ARFGEF3: variants seen among roughly 807,000 people sequenced by gnomAD.
ARFGEF3 encodes the protein ARFGEF family member 3.
ARFGEF3 carries 96 observed loss-of-function variants against 221.7 expected under a neutral mutation model. That is an observed-to-expected ratio of 0.43 (90% CI 0.37 to 0.51). ARFGEF3 has a LOEUF of 0.51. Ranked by LOEUF, ARFGEF3 falls within the 20% of genes least tolerant of loss-of-function variation. ARFGEF3 has a pLI of 0.00. For synonymous variants in ARFGEF3, 1,145 were observed against 1,126.8 expected (o/e 1.02, Z -0.32); for missense variants, 2,410 against 2,789.9 (o/e 0.86, Z 3.07).
chr6:138,169,448 T>C (rs539883247), intron 1 of ARFGEF3, among the ~76,000 whole-genome samples: 1 of 152,308 alleles, frequency 6.6e-6, no homozygotes, highest in Admixed American at 6.5e-5. Flanking sequence ...CCAGCCTTGG[T>C]TGACTATATA....
intron 2 of ARFGEF3, 74 bp from the exon 3 acceptor site, chr6:138,206,968 G>A: frequency 8.7e-7 from 1 of 1,148,338 alleles, no homozygotes; most frequent in Non-Finnish European, 1.3e-6. Context: ...GGGGGTGGGT[G>A]TACATAAGGC....
At position 138,324,123 on chromosome 6, in the gene ARFGEF3, A is replaced by C. The variant is rs1436228607; in HGVS notation, c.4970A>C (p.Glu1657Ala). The C allele has an allele frequency of 6.2e-7, 1 of 1,613,778 alleles. No homozygotes were observed. The highest frequency in any genetic ancestry group is 8.5e-7 in the Non-Finnish European group (1 of 1,179,866). ...TCCTCCTCCCCAAGTGCCGAGGCCG[A>C]GTACTGGCGCATCCGAGCCATGGCC... ...APSSSPSAEAEYWRIRAMAQQ... is the reference protein window; with the variant it reads ...APSSSPSAEAAYWRIRAMAQQ... The change falls in exon 31 of 34, where the codon GAG becomes GCG. Residue 1657 changes from glutamate to alanine, a missense_variant. By Grantham distance (107) the Glu-to-Ala change is moderately radical (BLOSUM62 -1). Coordinates refer to ENST00000251691, the MANE Select transcript of ARFGEF3 (RefSeq NM_020340.5).
rs867769965 is a variant in ARFGEF3, at chr6:138,178,788, G to A, written c.137+8075G>A. On this transcript the variant is annotated intron_variant, in intron 2 of 33. Transcript: ENST00000251691. ...ATTTGAAAGAATCTGTGCCAAAATG[G>A]AATCTCAGCTTTGGCAATAGGACTT... Among the ~76,000 whole-genome samples the A allele has an allele frequency of 1.3e-4, 20 of 152,156 alleles. 1 individual carries two copies. The highest frequency in any genetic ancestry group is 8.3e-4 in the South Asian group (4 of 4,828).
chr6:138,254,795 T>A (rs1241217453), intron 9 of ARFGEF3, among the ~76,000 whole-genome samples: 1 of 152,206 alleles, frequency 6.6e-6, no homozygotes, highest in Non-Finnish European at 1.5e-5. Flanking sequence ...AAACTGATGA[T>A]GATTATGGCA....
intron 12 of ARFGEF3, among the ~76,000 whole-genome samples, chr6:138,265,173 G>A (rs901369741): frequency 2.6e-5 from 4 of 152,112 alleles, no homozygotes; most frequent in Admixed American, 2.0e-4. Flanking sequence ...AAAGTGCTGG[G>A]ATTACAGGCA....
intron 2 of ARFGEF3, among the ~76,000 whole-genome samples, chr6:138,206,518 A>G (rs943049286): frequency 2.6e-4 from 39 of 152,184 alleles, no homozygotes; most frequent in African/African-American, 8.5e-4. Flanking sequence ...CAAATGTTAA[A>G]TTTATAAATT....
intron 3 of ARFGEF3, among the ~76,000 whole-genome samples, chr6:138,208,363 T>C (rs902331200): frequency 1.3e-5 from 2 of 151,498 alleles, no homozygotes; most frequent in African/African-American, 4.9e-5. Context: ...CTTTCCTGAG[T>C]ATACCACATG....
chr6:138,194,265 C>T lies in ARFGEF3; in HGVS notation c.138-12777C>T, dbSNP rs1355514016. On this transcript the variant is annotated intron_variant, in intron 2 of 33. Coordinates refer to ENST00000251691, the MANE Select transcript of ARFGEF3 (RefSeq NM_020340.5). ...CCTGGGTGACAGAGCAAGACTCCGT[C>T]TCCAAAAAAAAAAAAAAAAAAGATA... Among the ~76,000 whole-genome samples, 10 of 139,612 alleles carry T rather than the reference C, an allele frequency of 7.2e-5. No individual in the cohort carries two copies. In the Admixed American group the frequency reaches 7.3e-4, roughly 10 times the overall value. 91.6% of individuals were successfully genotyped at this position (139,612 alleles called of 152,430 possible). A position where few individuals can be genotyped will look rare whatever the true frequency, so the allele number is the denominator to read the frequency against.
rs138879312 is a variant in ARFGEF3, at chr6:138,262,719, C to T, written c.1236C>T (p.Thr412=). ...TGTTTAGCATCATGGATGGCATGAC[C>T]GAAGCATGCATCAAGGGTGGCATCG... ...DLLKLIMDGM[T]EACIKGGIEA... Residue 412 remains threonine, a synonymous_variant, in exon 12 of 34, where the codon ACC becomes ACT. Coordinates refer to ENST00000251691, the MANE Select transcript of ARFGEF3 (RefSeq NM_020340.5). The T allele has an allele frequency of 1.1e-3, 1,829 of 1,604,296 alleles. 5 individuals carry two copies. The highest frequency in any genetic ancestry group is 1.0e-3 in the Non-Finnish European group (1,190 of 1,172,086).
chr6:138,325,523 GA>G (rs1277786064), intron 31 of ARFGEF3, among the ~76,000 whole-genome samples: 4 of 152,238 alleles, frequency 2.6e-5, no homozygotes, highest in Non-Finnish European at 5.9e-5. Flanking sequence ...TGGGACAGAA[GA>G]AAGGTTGTAA....
rs192550518 is a variant in ARFGEF3 at position 138,337,511 on chromosome 6, T to C, written c.*1025T>C. On this transcript the variant is annotated 3_prime_UTR_variant, in exon 34 of 34. Coordinates refer to ENST00000251691, the MANE Select transcript of ARFGEF3 (RefSeq NM_020340.5). ...GGGAGCAGGGAGTGTGGGGTGGGGA[T>C]GGATTATGATGAAATCATTTTCAAT... is the stretch of plus-strand genomic sequence containing the variant. 20 of 152,748 alleles carry C rather than the reference T, an allele frequency of 1.3e-4. No individual in the cohort carries two copies. The East Asian group carries it at 2.9e-3, about 22-fold the overall frequency. The allele number at this position is 152,748 out of a possible 1,614,324, so 9.5% of individuals were successfully genotyped here. A position where few individuals can be genotyped will look rare whatever the true frequency, so the allele number is the denominator to read the frequency against.
chr6:138,201,126 C>T (rs4895512), intron 2 of ARFGEF3, among the ~76,000 whole-genome samples: 11,207 of 152,266 alleles, frequency 0.074, 803 homozygotes, highest in East Asian at 0.37. Context: ...GCAATACCAC[C>T]TTACTCCTGC....
At chr6:138,253,571 G>A (rs1238672746) in intron 8 of ARFGEF3, among the ~76,000 whole-genome samples, 3 of 152,158 alleles carry the variant, frequency 2.0e-5, no homozygotes, top group Admixed American at 6.5e-5. Context: ...ATGTCTCTGT[G>A]TCCAAATTTC....
rs1203711622 is a variant in ARFGEF3 at position 138,339,940 on chromosome 6, A to T, written c.*3454A>T. 1 of 152,244 alleles carries T rather than the reference A, an allele frequency of 6.6e-6. No individual in the cohort carries two copies. The highest frequency in any genetic ancestry group is 6.5e-5 in the Admixed American group (1 of 15,282). The allele number at this position is 152,244 out of a possible 1,614,324, so 9.4% of individuals were successfully genotyped here. ...AACATACTTAACAGCTCGCATTAAA[A>T]TACTTTAAATCAGGCGTGATGGCTC... On this transcript the variant is annotated 3_prime_UTR_variant, in exon 34 of 34. Coordinates refer to ENST00000251691, the MANE Select transcript of ARFGEF3 (RefSeq NM_020340.5).
chr6:138,286,518 TGCAAC>T (rs1779297958), intron 15 of ARFGEF3, among the ~76,000 whole-genome samples, 178 bp from the exon 16 acceptor site: 1 of 151,080 alleles, frequency 6.6e-6, no homozygotes, highest in African/African-American at 2.4e-5. Flanking sequence ...CAGCTGATAA[TGCAAC>T]ATTTATTATT....
At chr6:138,223,728 TTTA>T (rs1209937437) in intron 4 of ARFGEF3, among the ~76,000 whole-genome samples, 5 of 152,198 alleles carry the variant, frequency 3.3e-5, no homozygotes, top group African/African-American at 1.2e-4. Flanking sequence ...CTAGGTTTAA[TTTA>T]TTATATGTGT....
At chr6:138,252,578 A>G (rs1211036114) in intron 8 of ARFGEF3, among the ~76,000 whole-genome samples, 1 of 151,940 alleles carries the variant, frequency 6.6e-6, no homozygotes, top group Admixed American at 6.5e-5. Flanking sequence ...CTATCTCTTC[A>G]AGTTTCTAGT....
At chr6:138,235,285 A>C (rs9402963) in intron 5 of ARFGEF3, among the ~76,000 whole-genome samples, 11,127 of 152,226 alleles carry the variant, frequency 0.073, 790 homozygotes, top group East Asian at 0.37. Flanking sequence ...CAAATCAGTG[A>C]AATGATCACA....
chr6:138,174,730 A>G (rs894333883), intron 2 of ARFGEF3, among the ~76,000 whole-genome samples: 1 of 152,152 alleles, frequency 6.6e-6, no homozygotes, highest in African/African-American at 2.4e-5. Flanking sequence ...GGAAAGGGCT[A>G]CAGGGATCAT....
Sources: allele counts gnomAD v4.1 joint callset (sites outside exome capture counted in the v4.1 genomes callset), GRCh38; gene constraint gnomAD v4.1.1; transcripts MANE v1.5; gene names NCBI Gene and HGNC (gene_info 2026-07-23, HGNC 2026-07-21).